Variants in PRKCE observed in about 807,000 individuals in gnomAD.
The protein encoded by PRKCE is protein kinase C epsilon type.
Under a neutral mutation model 85.4 loss-of-function variants are expected in PRKCE, and 16 were observed. The ratio of observed to expected loss-of-function variants is 0.19; its 90% confidence interval spans 0.13 to 0.28. The LOEUF (loss-of-function observed/expected upper bound fraction) is 0.28, where lower values mean the gene tolerates loss of function less well. PRKCE is among the 10% of genes least tolerant of loss of function. The pLI is 1.00. For missense variants in PRKCE, 573 were observed against 975.2 expected (o/e 0.59, Z 5.49); for synonymous variants, 388 against 371.5 (o/e 1.04, Z -0.51).
intron 6 of PRKCE, among the ~76,000 whole-genome samples, chr2:45,987,623 A>C (rs1703444135): frequency 6.6e-6 from 1 of 151,008 alleles, no homozygotes; most frequent in South Asian, 2.1e-4. Context: ...CCACCACAGC[A>C]GCACACGTGC....
chr2:45,653,639 G>A (rs924528942), intron 1 of PRKCE, among the ~76,000 whole-genome samples: 1 of 152,044 alleles, frequency 6.6e-6, no homozygotes, highest in Non-Finnish European at 1.5e-5. Context: ...GATCACTTTG[G>A]CATATCACCT....
chr2:45,992,877 A>ACTG (rs10634920), intron 6 of PRKCE, among the ~76,000 whole-genome samples: 39,713 of 152,010 alleles, frequency 0.26, 5,878 homozygotes, highest in African/African-American at 0.41. Context: ...CCCAGACAAC[A>ACTG]CTGCTGCTGC....
rs1680308627 is a variant in PRKCE, at chr2:46,184,543, C to G, written c.2068-192C>G. 6.6e-6 allele frequency among the ~76,000 whole-genome samples: 1 copy of G among 152,204 alleles called. No individual in the cohort carries two copies. Among genetic ancestry groups the G allele is most frequent in the African/African-American group, 2.4e-5 (1 of 41,434 alleles). On this transcript the variant is annotated intron_variant, in intron 14 of 14. Coordinates refer to ENST00000306156, the MANE Select transcript of PRKCE (RefSeq NM_005400.3). The surrounding 1 kb of genome is among the most constrained non-coding windows in gnomAD (Gnocchi z 5.0). ...CTTCTCACCTTGACTCATTCTTCCT[C>G]TCCTCGTCTCTCACCTCCGGGTCCT...
chr2:45,652,458 G>C lies in PRKCE; in HGVS notation c.348+10G>C. 6.3e-7 allele frequency: 1 copy of C among 1,597,772 alleles called. No homozygotes were observed. The highest frequency in any genetic ancestry group is 8.5e-7 in the Non-Finnish European group (1 of 1,173,442). On this transcript the variant is annotated intron_variant, in intron 1 of 14. Transcript: ENST00000306156. This position sits in a 1 kb window ranked among gnomAD's most constrained non-coding sequence, Gnocchi z 7.7. ...CCACTTCGAGGACTGGGTGAGTGCG[G>C]CGCCTCCCCGTCATTCCGGGAACCC... is the stretch of plus-strand genomic sequence containing the variant.
At chr2:46,005,943 G>A (rs1216374718) in intron 8 of PRKCE, among the ~76,000 whole-genome samples, 1 of 152,206 alleles carries the variant, frequency 6.6e-6, no homozygotes, top group Non-Finnish European at 1.5e-5. Flanking sequence ...GAGCTTCAGG[G>A]AGACAGGGTC....
rs114714263 is a variant in PRKCE at position 46,153,023 on chromosome 2, C to T, written c.1920+1794C>T. The stretch of plus-strand genomic sequence containing the variant: ...CACCTCATTCCTTCTCTCCCCTCTG[C>T]CCTTACTCTCCTCCCTCTCTCTTTC... On this transcript the variant is annotated intron_variant, in intron 13 of 14. Coordinates refer to ENST00000306156, the MANE Select transcript of PRKCE (RefSeq NM_005400.3). 1.6e-3 allele frequency among the ~76,000 whole-genome samples: 247 copies of T among 152,194 alleles called. 2 individuals carry two copies. In the Middle Eastern group the frequency reaches 0.024, roughly 15 times the overall value.
intron 1 of PRKCE, among the ~76,000 whole-genome samples, chr2:45,684,922 C>G (rs180944152): frequency 1.3e-5 from 2 of 152,346 alleles, no homozygotes; most frequent in Admixed American, 6.5e-5. Flanking sequence ...AGAAGGTAGA[C>G]TCCCAGGTGA....
intron 11 of PRKCE, among the ~76,000 whole-genome samples, chr2:46,112,256 C>T (rs1202927734): frequency 1.3e-5 from 2 of 152,056 alleles, no homozygotes; most frequent in Non-Finnish European, 2.9e-5. Flanking sequence ...TTTCTCTATC[C>T]CTTTACTTTG....
chr2:45,940,816 TG>T (rs1279191081), intron 2 of PRKCE, among the ~76,000 whole-genome samples: 1 of 151,920 alleles, frequency 6.6e-6, no homozygotes, highest in Non-Finnish European at 1.5e-5. Flanking sequence ...CCTAGCACTT[TG>T]GGAAGCCAAA....
intron 11 of PRKCE, among the ~76,000 whole-genome samples, chr2:46,137,615 A>G (rs1429854428): frequency 6.7e-6 from 1 of 150,292 alleles, no homozygotes; most frequent in Non-Finnish European, 1.5e-5. Context: ...AAAAAAAAAG[A>G]TCTGGACAGT....
intron 1 of PRKCE, among the ~76,000 whole-genome samples, chr2:45,742,069 G>C (rs1027757951): frequency 6.6e-6 from 1 of 152,042 alleles, no homozygotes; most frequent in African/African-American, 2.4e-5. Context: ...GATATCACAC[G>C]AAAAGCACAG....
In PRKCE at chr2:45,652,478, G is replaced by A. The variant is rs531603520; in HGVS notation, c.348+30G>A. 741 of 1,562,888 alleles carry A rather than the reference G, an allele frequency of 4.7e-4. 12 individuals carry two copies. In the South Asian group the frequency reaches 7.8e-3, roughly 16 times the overall value. ...GTGCGGCGCCTCCCCGTCATTCCGG[G>A]AACCCGGTTGTGGGGTCCCGGGGAA... On this transcript the variant is annotated intron_variant, in intron 1 of 14. Coordinates refer to ENST00000306156, the MANE Select transcript of PRKCE (RefSeq NM_005400.3). This position sits in a 1 kb window ranked among gnomAD's most constrained non-coding sequence, Gnocchi z 7.7.
At chr2:45,752,357 C>A (rs1413301897) in intron 1 of PRKCE, among the ~76,000 whole-genome samples, 2 of 152,186 alleles carry the variant, frequency 1.3e-5, no homozygotes, top group African/African-American at 4.8e-5. Context: ...CCCCAGCAAT[C>A]TGGCTTCAGG....
At chr2:45,901,659 G>C (rs1696591391) in intron 2 of PRKCE, among the ~76,000 whole-genome samples, 1 of 152,230 alleles carries the variant, frequency 6.6e-6, no homozygotes, top group Non-Finnish European at 1.5e-5. Flanking sequence ...GTGCACAGCT[G>C]ATTCGTACAA....
At chr2:46,128,227 C>CAA (rs111423119) in intron 11 of PRKCE, among the ~76,000 whole-genome samples, 2 of 144,240 alleles carry the variant, frequency 1.4e-5, no homozygotes, top group African/African-American at 5.1e-5. Context: ...CATCAGTCAA[C>CAA]AAAAAAAAAA....
chr2:46,169,056 G>T (rs767510658), intron 14 of PRKCE, among the ~76,000 whole-genome samples: 14 of 152,172 alleles, frequency 9.2e-5, no homozygotes, highest in Non-Finnish European at 2.1e-4. Flanking sequence ...GCCAGAATTT[G>T]TTCCCTGAAG....
chr2:45,919,332 G>A (rs917665366), intron 2 of PRKCE, among the ~76,000 whole-genome samples: 1 of 152,218 alleles, frequency 6.6e-6, no homozygotes, highest in African/African-American at 2.4e-5. Context: ...CAGGCTTGGA[G>A]ACGGACACCT....
intron 2 of PRKCE, among the ~76,000 whole-genome samples, chr2:45,955,570 G>A (rs1700915902): frequency 6.6e-6 from 1 of 152,196 alleles, no homozygotes; most frequent in African/African-American, 2.4e-5. Flanking sequence ...TGTAGTCCCA[G>A]CTACTTCAGA....
chr2:45,718,639 G>T (rs1680359289), intron 1 of PRKCE, among the ~76,000 whole-genome samples: 1 of 152,112 alleles, frequency 6.6e-6, no homozygotes, highest in Non-Finnish European at 1.5e-5. Context: ...ACTGCGCCCA[G>T]CCAAGAACAA....
Sources: allele counts gnomAD v4.1 joint callset (sites outside exome capture counted in the v4.1 genomes callset), GRCh38; gene constraint gnomAD v4.1.1; non-coding constraint Gnocchi (gnomAD v3.1); transcripts MANE v1.5; gene names NCBI Gene and HGNC (gene_info 2026-07-23, HGNC 2026-07-21).